PDXDC1: variants seen among roughly 807,000 people sequenced by gnomAD.
The protein encoded by PDXDC1 is pyridoxal dependent decarboxylase domain containing 1, also known as pyridoxal-dependent decarboxylase domain-containing protein 1.
A neutral mutation model predicts 100.1 loss-of-function variants in PDXDC1; 42 were observed. That is an observed-to-expected ratio of 0.42 (90% confidence interval 0.33 to 0.54). PDXDC1 has a LOEUF of 0.54. Ranked by LOEUF, PDXDC1 falls within the 20% of genes least tolerant of loss-of-function variation. The probability of loss-of-function intolerance (pLI) is 0.10; values close to 1 mark genes in which losing one functional copy is unlikely to be tolerated. For missense variants in PDXDC1, 636 were observed against 979.2 expected (o/e 0.65, Z 4.68); for synonymous variants, 260 against 371.7 (o/e 0.70, Z 3.46).
intron 13 of PDXDC1, chr16:15,026,033 G>C (rs2042571317): frequency 6.5e-6 from 1 of 152,714 alleles, no homozygotes; most frequent in Non-Finnish European, 1.5e-5. Context: ...TCACCAGCAG[G>C]ACTTGCATCT....
rs761456266 is a variant in PDXDC1 at position 15,032,969 on chromosome 16, C to T, written c.1680C>T (p.Thr560=). The T allele has an allele frequency of 5.1e-6, 8 of 1,565,824 alleles. No homozygotes were observed. In the East Asian group the frequency reaches 1.6e-4, roughly 31 times the overall value. Residue 560 remains threonine, a synonymous_variant, in exon 18 of 23, where the codon ACC becomes ACT. Coordinates refer to ENST00000396410, the MANE Select transcript of PDXDC1 (RefSeq NM_015027.4). ...TAAATGAACTGGAATCTGACCTAAC[C>T]TTTAAAATAGGTAACTGCTTACTTT... is the stretch of plus-strand genomic sequence containing the variant. ...KKLNELESDL[T]FKIGPEYKSM...
chr16:15,087,133 C>G (rs1464283854), intron 16 of PDXDC1, among the ~76,000 whole-genome samples: 2 of 152,028 alleles, frequency 1.3e-5, no homozygotes, highest in East Asian at 1.9e-4. Flanking sequence ...TGCATATATA[C>G]TGCACAGGAA....
chr16:15,109,933 T>A (rs1187081470), intron 16 of PDXDC1, among the ~76,000 whole-genome samples: 1 of 142,600 alleles, frequency 7.0e-6, no homozygotes, highest in East Asian at 2.0e-4. Flanking sequence ...GCGGGTGGAT[T>A]ACCTGAGGTC....
chr16:15,081,054 A>G (rs1421944725), intron 16 of PDXDC1, among the ~76,000 whole-genome samples: 1 of 152,194 alleles, frequency 6.6e-6, no homozygotes, highest in Non-Finnish European at 1.5e-5. Context: ...ATGTTGTAAC[A>G]TATAAAGCAT....
rs757982126 is a variant in PDXDC1 at position 15,036,251 on chromosome 16, A to G, written c.2343A>G (p.Val781=). 1.7e-4 allele frequency: 276 copies of G among 1,613,926 alleles called. No individual in the cohort carries two copies. Among genetic ancestry groups the G allele is most frequent in the Non-Finnish European group, 2.3e-4 (266 of 1,179,924 alleles). ...VPHPEDDHSQ[V]EGPESLR is the part of the protein sequence containing the mutation. The stretch of plus-strand genomic sequence containing the variant: ...ACCCAGAAGATGACCACTCACAGGT[A>G]GAAGGACCGGAGAGCTTAAGATGAG... The change falls in exon 23 of 23, where the codon GTA becomes GTG. Residue 781 remains valine (V), a synonymous_variant. Transcript: ENST00000396410.
At chr16:15,068,637 C>CAACAA (rs2045083381) in intron 16 of PDXDC1, among the ~76,000 whole-genome samples, 1 of 152,154 alleles carries the variant, frequency 6.6e-6, no homozygotes, top group African/African-American at 2.4e-5. Context: ...TCATGACAGG[C>CAACAA]AACAAAACAA....
At chr16:15,110,650 G>A in intron 16 of PDXDC1, 2 of 1,559,494 alleles carry the variant, frequency 1.3e-6, no homozygotes, top group South Asian at 1.1e-5. Flanking sequence ...GAAACCTGAG[G>A]GCAAGAAGCT....
intron 16 of PDXDC1, chr16:15,127,902 A>G: frequency 6.7e-7 from 1 of 1,491,884 alleles, no homozygotes; most frequent in East Asian, 2.4e-5. Context: ...CGTGACCTAG[A>G]AGGCAGGGAG....
the PDXDC1 span, among the ~76,000 whole-genome samples, chr16:15,148,717 T>C: frequency 6.6e-5 from 10 of 151,864 alleles, no homozygotes; most frequent in South Asian, 2.1e-4. Flanking sequence ...TGTTGAATCA[T>C]AGTGTTCCCT....
intron 16 of PDXDC1, among the ~76,000 whole-genome samples, chr16:15,110,178 G>C (rs2046986495): frequency 6.7e-6 from 1 of 148,840 alleles, no homozygotes; most frequent in African/African-American, 2.4e-5. Flanking sequence ...GAGAGACAAA[G>C]GAAAACCAAT....
chr16:15,094,114 G>C (rs776394680), intron 16 of PDXDC1: 4 of 1,562,374 alleles, frequency 2.6e-6, no homozygotes, highest in African/African-American at 2.7e-5. Context: ...TTTCGTCCCA[G>C]ATACGCAGAA....
In PDXDC1 at chr16:15,013,874, C is replaced by CAAAA. The variant is rs58185654; in HGVS notation, c.728-2235_728-2232dup. 8.3e-3 allele frequency among the ~76,000 whole-genome samples: 1,132 copies of CAAAA among 135,770 alleles called. 7 individuals are homozygous for CAAAA. Among genetic ancestry groups the CAAAA allele is most frequent in the African/African-American group, 0.03 (1,079 of 35,894 alleles). 89.1% of individuals were successfully genotyped at this position (135,770 alleles called of 152,430 possible). A position where few individuals can be genotyped will look rare whatever the true frequency, so the allele number is the denominator to read the frequency against. ...TGGGCGACAGAAAGGGTCTCTGTCT[C>CAAAA]AAAAAAAAAAAAAAAAAAAAAAATC... On this transcript the variant is annotated intron_variant, in intron 8 of 22. Transcript: ENST00000396410.
intron 16 of PDXDC1, chr16:15,094,877 T>A (rs1316489471): frequency 1.3e-5 from 2 of 152,390 alleles, no homozygotes; most frequent in Non-Finnish European, 2.9e-5. Context: ...CTTGCCCTTT[T>A]GCCCAGGTGG....
intron 1 of PDXDC1, 96 bp from the exon 2 acceptor site, chr16:14,997,657 C>T (rs1972275945): frequency 2.3e-6 from 3 of 1,304,120 alleles, no homozygotes; most frequent in South Asian, 1.6e-5. Flanking sequence ...ACAGTAAATC[C>T]AGAAGAAATT....
intron 16 of PDXDC1, chr16:15,133,721 T>A (rs190843117): frequency 3.1e-6 from 5 of 1,605,150 alleles, no homozygotes; most frequent in Non-Finnish European, 8.5e-7. Flanking sequence ...ACGGTCCCCA[T>A]GGCATCACGG....
downstream of PDXDC1, among the ~76,000 whole-genome samples, chr16:15,140,334 C>G (rs1408096043): frequency 1.3e-5 from 2 of 149,992 alleles, no homozygotes; most frequent in Non-Finnish European, 3.0e-5. Flanking sequence ...ATTCCAGCTA[C>G]TCAGGAGGCT....
chr16:15,028,662 TTAA>T (rs1482962998), intron 14 of PDXDC1, among the ~76,000 whole-genome samples: 1 of 152,302 alleles, frequency 6.6e-6, no homozygotes, highest in African/African-American at 2.4e-5. Context: ...AAAAATGAAA[TTAA>T]TAATTCTGTC....
chr16:15,019,940 G>A (rs570797203), intron 12 of PDXDC1, among the ~76,000 whole-genome samples: 11 of 152,316 alleles, frequency 7.2e-5, no homozygotes, highest in South Asian at 2.1e-4. Flanking sequence ...GTGAAACCCC[G>A]TCTCTACTAA....
intron 8 of PDXDC1, among the ~76,000 whole-genome samples, chr16:15,015,060 C>T (rs1483302442): frequency 1.3e-5 from 2 of 152,260 alleles, no homozygotes; most frequent in Admixed American, 6.5e-5. Flanking sequence ...GCCTCGGCCC[C>T]GCGAGTACCT....
Sources: gnomAD v4.1 joint callset for allele counts (sites outside exome capture counted in the v4.1 genomes callset) on GRCh38, gnomAD v4.1.1 for gene constraint, MANE v1.5 for transcripts, NCBI Gene and HGNC (gene_info 2026-07-23, HGNC 2026-07-21) for gene names.